Variants in EARS2 observed in about 807,000 individuals in gnomAD.
EARS2 encodes the protein nondiscriminating glutamyl-tRNA synthetase EARS2, mitochondrial.
EARS2 carries 50 observed loss-of-function variants against 54.1 expected under a neutral mutation model. That is an observed-to-expected ratio of 0.92 (90% CI 0.74 to 1.17). EARS2 has a LOEUF of 1.17. EARS2 is among the 50% of genes most tolerant of loss of function. The pLI is 0.00. For missense variants in EARS2, 673 were observed against 675.0 expected (o/e 1.00, Z 0.03); for synonymous variants, 298 against 281.0 (o/e 1.06, Z -0.61).
Position 23,535,355 on chromosome 16 carries a change from T to C in EARS2, c.491A>G (p.Asp164Gly). 1.3e-6 allele frequency: 2 copies of C among 1,598,046 alleles called. No individual in the cohort carries two copies. Among genetic ancestry groups the C allele is most frequent in the South Asian group, 2.2e-5 (2 of 90,938 alleles). ...CTGGCTCATGTTCCTGCACCGATTG[T>C]CATACCTGATGGGGAGCAGAGCAGC... ...ALRNHQTPRY[D>G]NRCRNMSQEQ... Residue 164 changes from aspartate (D) to glycine (G), a missense_variant, in exon 4 of 9, where the codon GAC (aspartate) becomes GGC (glycine). Transcript: ENST00000449606.
At position 23,529,229 on chromosome 16, in the gene EARS2, C is replaced by T. The variant is rs189789314; in HGVS notation, c.1352+273G>A. Among the ~76,000 whole-genome samples, 5 of 152,168 alleles carry T rather than the reference C, an allele frequency of 3.3e-5. No individual in the cohort carries two copies. The East Asian group carries it at 9.6e-4, about 29-fold the overall frequency. On this transcript the variant is annotated intron_variant, in intron 7 of 8. Transcript: ENST00000449606. Reference sequence around the variant, plus strand: ...TACAGTAACTTGGCCAAAGTGAAGCCGCCTGAGCAAGGTGACATAATCTGG... The same window carrying T: ...TACAGTAACTTGGCCAAAGTGAAGCTGCCTGAGCAAGGTGACATAATCTGG...
intron 3 of EARS2, among the ~76,000 whole-genome samples, chr16:23,544,303 G>A (rs1965564586): frequency 6.6e-6 from 1 of 152,226 alleles, no homozygotes; most frequent in African/African-American, 2.4e-5. Flanking sequence ...CCCAAGCTAA[G>A]CTTTAAGAGA....
intron 3 of EARS2, 188 bp from the exon 4 acceptor site, chr16:23,535,548 G>T (rs919856762): frequency 8.3e-6 from 5 of 605,486 alleles, no homozygotes; most frequent in Non-Finnish European, 1.5e-5. Context: ...AGACACTAAT[G>T]TCTGCCTATC....
chr16:23,534,920 T>C lies in EARS2; in HGVS notation c.926A>G (p.Asp309Gly), dbSNP rs763029240. The C allele has an allele frequency of 1.3e-6, 2 of 1,591,938 alleles. No homozygotes were observed. Among genetic ancestry groups the C allele is most frequent in the Non-Finnish European group, 1.7e-6 (2 of 1,166,578 alleles). ...ADGFLPDSLL[D>G]IITNCGSGFA... ...ACCTGAGCCACAGTTGGTGATGATGTCCAACAAGGAATCGGGCAGGAAGCC... is the reference window on the plus strand; with the variant it reads ...ACCTGAGCCACAGTTGGTGATGATGCCCAACAAGGAATCGGGCAGGAAGCC... Residue 309 changes from aspartate to glycine, a missense_variant, in exon 4 of 9, where the codon GAC becomes GGC. Around this residue, in one of 3 missense-constraint regions of EARS2, gnomAD observed 338 missense variants for 361.2 expected, o/e 0.94. Coordinates refer to ENST00000449606, the MANE Select transcript of EARS2 (RefSeq NM_001083614.2).
chr16:23,544,485 A>G, intron 3 of EARS2, 29 bp downstream of exon 3: 1 of 1,600,832 alleles, frequency 6.2e-7, no homozygotes, highest in Non-Finnish European at 8.5e-7. Context: ...AATGTTGATG[A>G]GGCATCTGCA....
chr16:23,531,409 C>G (rs9924189), intron 5 of EARS2, among the ~76,000 whole-genome samples: 1 of 151,868 alleles, frequency 6.6e-6, no homozygotes, highest in Admixed American at 6.6e-5. Flanking sequence ...TACAGGTGCC[C>G]GCCACCACAC....
intron 2 of EARS2, among the ~76,000 whole-genome samples, chr16:23,551,179 T>C (rs1189328879): frequency 6.6e-6 from 1 of 152,234 alleles, no homozygotes; most frequent in Non-Finnish European, 1.5e-5. Flanking sequence ...CACAAGGAGC[T>C]GGAGCTCAGA....
intron 4 of EARS2, 139 bp from the exon 5 acceptor site, chr16:23,532,904 T>C: frequency 1.8e-6 from 1 of 542,148 alleles, no homozygotes; most frequent in South Asian, 2.8e-5. Flanking sequence ...CACTGTAACC[T>C]CAAACTCCCA....
chr16:23,556,220 T>A (rs1410893706), intron 1 of EARS2, among the ~76,000 whole-genome samples: 2 of 152,164 alleles, frequency 1.3e-5, no homozygotes, highest in Admixed American at 6.5e-5. Context: ...GTAGCCTTAC[T>A]GGTGGGAACC....
intron 2 of EARS2, among the ~76,000 whole-genome samples, chr16:23,550,435 CTTTTTTTTTT>C (rs34422725): frequency 2.0e-5 from 2 of 100,614 alleles, no homozygotes; most frequent in Non-Finnish European, 3.6e-5. Flanking sequence ...AGCACATGGT[CTTTTTTTTTT>C]TTTTTTTTTT....
chr16:23,532,378 T>C (rs1230089718), intron 5 of EARS2, among the ~76,000 whole-genome samples: 5 of 152,114 alleles, frequency 3.3e-5, no homozygotes, highest in Admixed American at 3.3e-4. Context: ...ATGATAAAAA[T>C]ATACGTACCA....
chr16:23,529,753 C>T lies in EARS2; in HGVS notation c.1212G>A (p.Leu404=). ...AATCCTGACACCACACCTGTCTCAGCAGGAGGATCCTCTCCACGTAGACTG... is the reference window on the plus strand; with the variant it reads ...AATCCTGACACCACACCTGTCTCAGTAGGAGGATCCTCTCCACGTAGACTG... ...LNPVYVERIL[L]LRQGHICRLQ... The change falls in exon 6 of 9, where the codon CTG becomes CTA. Residue 404 remains leucine, a synonymous_variant. Transcript: ENST00000449606. 1 of 1,614,164 alleles carries T rather than the reference C, an allele frequency of 6.2e-7. No homozygotes were observed. Among genetic ancestry groups the T allele is most frequent in the South Asian group, 1.1e-5 (1 of 91,086 alleles).
chr16:23,532,880 G>A, intron 4 of EARS2, 115 bp from the exon 5 acceptor site: 1 of 668,358 alleles, frequency 1.5e-6, no homozygotes, highest in Non-Finnish European at 2.5e-6. Flanking sequence ...GAGTGCAATG[G>A]TACAATCCTA....
At position 23,521,811 on chromosome 16, in the gene EARS2, G is replaced by A. The variant is rs1248861542; in HGVS notation, c.*2560C>T. On this transcript the variant is annotated 3_prime_UTR_variant, in exon 9 of 9. Transcript: ENST00000449606. Reference sequence around the variant, plus strand: ...CACTCACTTGACCATGAGCCAAGAAGCTCCTTTTAACCATTCTTAATGTCT... The same window carrying A: ...CACTCACTTGACCATGAGCCAAGAAACTCCTTTTAACCATTCTTAATGTCT... 1 of 455,198 alleles carries A rather than the reference G, an allele frequency of 2.2e-6. No individual in the cohort carries two copies. The highest frequency in any genetic ancestry group is 4.4e-6 in the Non-Finnish European group (1 of 226,668). 28.2% of individuals were successfully genotyped at this position (455,198 alleles called of 1,614,324 possible).
intron 5 of EARS2, among the ~76,000 whole-genome samples, chr16:23,530,299 A>G (rs1965302961): frequency 1.3e-5 from 2 of 151,996 alleles, no homozygotes; most frequent in African/African-American, 2.4e-5. Context: ...CTAATTTTTT[A>G]GTTTTTTGTA....
Position 23,522,051 on chromosome 16 carries a change from T to A in EARS2, c.*2320A>T, listed in dbSNP as rs550581745. ...AAAAAAATTTACTGAGATGATGGAC[T>A]AAGGCATTTACGAGCATTATCTGAC... On this transcript the variant is annotated 3_prime_UTR_variant, in exon 9 of 9. Transcript: ENST00000449606. The A allele has an allele frequency of 3.1e-6, 1 of 325,388 alleles. No homozygotes were observed. The highest frequency in any genetic ancestry group is 6.1e-6 in the Non-Finnish European group (1 of 163,258). 20.2% of individuals were successfully genotyped at this position (325,388 alleles called of 1,614,324 possible).
At chr16:23,551,059 A>T (rs1965687297) in intron 2 of EARS2, among the ~76,000 whole-genome samples, 1 of 152,232 alleles carries the variant, frequency 6.6e-6, no homozygotes, top group Non-Finnish European at 1.5e-5. Flanking sequence ...GTTAAAAAAA[A>T]TCTGAGCCCA....
intron 3 of EARS2, among the ~76,000 whole-genome samples, chr16:23,541,699 CTT>C (rs375731589): frequency 7.1e-5 from 3 of 42,122 alleles, no homozygotes; most frequent in Non-Finnish European, 2.2e-4. Flanking sequence ...TGTGGATCTT[CTT>C]TTTTTTTTTT....
chr16:23,548,739 T>C (rs1430613404), intron 2 of EARS2, among the ~76,000 whole-genome samples: 1 of 152,108 alleles, frequency 6.6e-6, no homozygotes, highest in Admixed American at 6.6e-5. Flanking sequence ...AAAACCAAAC[T>C]GTCAAGTCAG....
Sources: allele counts gnomAD v4.1 joint callset (sites outside exome capture counted in the v4.1 genomes callset), GRCh38; gene constraint gnomAD v4.1.1; regional missense constraint gnomAD v4.1.1; transcripts MANE v1.5; gene names NCBI Gene and HGNC (gene_info 2026-07-23, HGNC 2026-07-21).